Variants in DPT observed in about 807,000 individuals in gnomAD.
The protein encoded by DPT is dermatopontin.
In DPT, 21 loss-of-function variants were observed where a neutral mutation model predicts 31.2. That is an observed-to-expected ratio of 0.67 (90% confidence interval 0.48 to 0.97). The LOEUF is 0.97. Among genes scored for constraint, DPT ranks in the 50% least tolerant of loss-of-function variants. The pLI, the probability that DPT is intolerant of heterozygous loss-of-function variation, is 0.00. For missense variants in DPT, 262 were observed against 258.8 expected, an observed-to-expected ratio of 1.01 and a Z score of -0.08; for synonymous variants, 91 against 86.9, an observed-to-expected ratio of 1.05 and a Z score of -0.26.
At chr1:168,705,050 T>A (rs1301972422) in intron 2 of DPT, among the ~76,000 whole-genome samples, 1 of 152,226 alleles carries the variant, frequency 6.6e-6, no homozygotes, top group Non-Finnish European at 1.5e-5. Flanking sequence ...GAAATAGAGA[T>A]ACAATCTAGT....
At chr1:168,701,879 A>G (rs1267918100) in intron 2 of DPT, among the ~76,000 whole-genome samples, 1 of 152,222 alleles carries the variant, frequency 6.6e-6, no homozygotes, top group Admixed American at 6.5e-5. Context: ...CATTGGAACT[A>G]ATAAAAATGA....
chr1:168,714,981 A>C (rs1649947390), intron 1 of DPT, among the ~76,000 whole-genome samples: 1 of 152,152 alleles, frequency 6.6e-6, no homozygotes, highest in African/African-American at 2.4e-5. Flanking sequence ...TAAGCTCTAC[A>C]CAGCCATGGC....
rs147735623 is a variant in DPT, at chr1:168,699,042, C to T, written c.539+1975G>A. ...GTTTTTCATGATTCTGGGTAATCCA[C>T]ATAACCGAAAAATTTACTAAAAAGT... On this transcript the variant is annotated intron_variant, in intron 3 of 3. Transcript: ENST00000367817. Among the ~76,000 whole-genome samples, 28 of 152,248 alleles carry T rather than the reference C, an allele frequency of 1.8e-4. 1 individual carries two copies. The highest frequency in any genetic ancestry group is 6.0e-4 in the African/African-American group (25 of 41,542).
At position 168,696,357 on chromosome 1, in the gene DPT, T is replaced by C. The variant is rs1368069989; in HGVS notation, c.*192A>G. On this transcript the variant is annotated 3_prime_UTR_variant, in exon 4 of 4. Transcript: ENST00000367817. ...CATGTGAAAAGTGAGAAACATGGTT[T>C]AATTGTGGATTTTATTAGAAGTGTG... 3 of 589,368 alleles carry C rather than the reference T, an allele frequency of 5.1e-6. No individual in the cohort carries two copies. Among genetic ancestry groups the C allele is most frequent in the Non-Finnish European group, 6.0e-6 (2 of 333,658 alleles). The allele number at this position is 589,368 out of a possible 1,614,324, so 36.5% of individuals were successfully genotyped here. A position where few individuals can be genotyped will look rare whatever the true frequency, so the allele number is the denominator to read the frequency against.
intron 2 of DPT, among the ~76,000 whole-genome samples, chr1:168,707,996 T>C (rs1557847659): frequency 6.6e-6 from 1 of 152,142 alleles, no homozygotes; most frequent in Non-Finnish European, 1.5e-5. Context: ...CCCCCATGGA[T>C]ACCAAAATTT....
chr1:168,724,035 AGGATAGG>A (rs1650181925), intron 1 of DPT, among the ~76,000 whole-genome samples: 1 of 152,228 alleles, frequency 6.6e-6, no homozygotes, highest in Non-Finnish European at 1.5e-5. Context: ...ATGTCAAACC[AGGATAGG>A]TTACTGTGCA....
At chr1:168,728,301 T>A (rs1650292959) in intron 1 of DPT, among the ~76,000 whole-genome samples, 1 of 152,230 alleles carries the variant, frequency 6.6e-6, no homozygotes, top group Non-Finnish European at 1.5e-5. Context: ...AGACAGCTAT[T>A]TAATTCCACT....
chr1:168,714,495 AT>A, intron 1 of DPT, 149 bp from the exon 2 acceptor site: 1 of 1,077,878 alleles, frequency 9.3e-7, no homozygotes, highest in Non-Finnish European at 1.3e-6. Context: ...TCTTTATTAT[AT>A]TTGTAGAAAT....
intron 2 of DPT, among the ~76,000 whole-genome samples, chr1:168,711,204 A>G (rs1021158871): frequency 6.7e-6 from 1 of 149,908 alleles, no homozygotes; most frequent in East Asian, 2.0e-4. Flanking sequence ...TATTTTTAGT[A>G]GAGAACGGGG....
In DPT at chr1:168,707,820, C is replaced by T. The variant is rs774853708; in HGVS notation, c.431+6401G>A. ...AAGGACATGTTTGCTTCTCCTTCTG[C>T]CATGGTTGTAAGTTTCCTGAGGCCT... On this transcript the variant is annotated intron_variant, in intron 2 of 3. Transcript: ENST00000367817. Among the ~76,000 whole-genome samples, 78 of 152,258 alleles carry T rather than the reference C, an allele frequency of 5.1e-4. 1 individual carries two copies. Among genetic ancestry groups the T allele is most frequent in the Non-Finnish European group, 9.7e-4 (66 of 68,032 alleles).
Position 168,716,243 on chromosome 1 carries a change from T to C in DPT, c.306-1897A>G, listed in dbSNP as rs565465939. 1.1e-4 allele frequency among the ~76,000 whole-genome samples: 16 copies of C among 152,318 alleles called. No homozygotes were observed. The East Asian group carries it at 1.2e-3, about 11-fold the overall frequency. On this transcript the variant is annotated intron_variant, in intron 1 of 3. Coordinates refer to ENST00000367817, the MANE Select transcript of DPT (RefSeq NM_001937.5). The stretch of plus-strand genomic sequence containing the variant: ...ATATGCATTTATTTATTTATTTATT[T>C]ATTCATTCATTTATTAAACATCTCA...
intron 2 of DPT, among the ~76,000 whole-genome samples, chr1:168,708,932 G>A (rs1649785373): frequency 6.6e-6 from 1 of 152,144 alleles, no homozygotes; most frequent in Non-Finnish European, 1.5e-5. Context: ...AGATAAGAAT[G>A]TTCTAATCAA....
intron 2 of DPT, among the ~76,000 whole-genome samples, chr1:168,701,493 A>G (rs1206472195): frequency 6.6e-6 from 1 of 152,254 alleles, no homozygotes; most frequent in Non-Finnish European, 1.5e-5. Flanking sequence ...AGTTGATAAC[A>G]AAATCAATTT....
chr1:168,711,517 G>A (rs556547688), intron 2 of DPT, among the ~76,000 whole-genome samples: 1 of 152,144 alleles, frequency 6.6e-6, no homozygotes, highest in South Asian at 2.1e-4. Context: ...GAGGAATGTT[G>A]CTGCCTCAGC....
intron 2 of DPT, 66 bp from the exon 3 acceptor site, chr1:168,701,190 GAC>G (rs1649589185): frequency 8.3e-7 from 1 of 1,209,188 alleles, no homozygotes; most frequent in Non-Finnish European, 1.2e-6. Context: ...GCAAACAGAA[GAC>G]ACACTATGAA....
chr1:168,727,189 G>A (rs944861013), intron 1 of DPT, among the ~76,000 whole-genome samples: 1 of 152,242 alleles, frequency 6.6e-6, no homozygotes, highest in Non-Finnish European at 1.5e-5. Context: ...CAGCCTCTCA[G>A]GAGCCCGTCA....
intron 1 of DPT, among the ~76,000 whole-genome samples, chr1:168,726,337 T>C (rs1385673383): frequency 4.6e-5 from 7 of 152,240 alleles, no homozygotes; most frequent in African/African-American, 1.7e-4. Flanking sequence ...TGGGAGTTCA[T>C]GACAAACCAG....
At chr1:168,727,376 C>T (rs999310) in intron 1 of DPT, among the ~76,000 whole-genome samples, 2,313 of 152,266 alleles carry the variant, frequency 0.015, 53 homozygotes, top group Admixed American at 0.04. Context: ...GGAGCCTGCT[C>T]AGGGTAAGCA....
At chr1:168,711,622 G>A (rs114537724) in intron 2 of DPT, among the ~76,000 whole-genome samples, 2,456 of 152,246 alleles carry the variant, frequency 0.016, 55 homozygotes, top group African/African-American at 0.055. Context: ...AACCAACCCC[G>A]CTCTCAAGTT....
Sources: allele counts gnomAD v4.1 joint callset (sites outside exome capture counted in the v4.1 genomes callset), GRCh38; gene constraint gnomAD v4.1.1; transcripts MANE v1.5; gene names NCBI Gene and HGNC (gene_info 2026-07-23, HGNC 2026-07-21).